The following ARL1 variants were observed in gnomAD, a reference collection of about 807,000 sequenced individuals.
ARL1 encodes the protein ARF like GTPase 1, also known as ADP-ribosylation factor-like protein 1.
In ARL1, 17 loss-of-function variants were observed where a neutral mutation model predicts 30.1. The observed-to-expected ratio is 0.56, with a 90% confidence interval of 0.39 to 0.85. ARL1 has a LOEUF of 0.85. Among genes scored for constraint, ARL1 ranks in the 40% least tolerant of loss-of-function variants. The pLI is 0.00. For synonymous variants in ARL1, 58 were observed against 71.7 expected (o/e 0.81, Z 0.97); for missense variants, 102 against 212.6 (o/e 0.48, Z 3.24).
chr12:101,402,979 G>A (rs760931453), intron 2 of ARL1, 33 bp from the exon 3 acceptor site: 2 of 1,436,040 alleles, frequency 1.4e-6, no homozygotes, highest in Non-Finnish European at 1.9e-6. Flanking sequence ...GGTATGTGTA[G>A]ACTAATACAT....
chr12:101,402,731 A>C, intron 3 of ARL1, 134 bp downstream of exon 3: 1 of 516,814 alleles, frequency 1.9e-6, no homozygotes. Flanking sequence ...AATAGTTCCC[A>C]ATTTTACCTC....
chr12:101,405,245 A>G (rs987325444), intron 2 of ARL1, among the ~76,000 whole-genome samples: 3 of 152,222 alleles, frequency 2.0e-5, no homozygotes, highest in African/African-American at 7.2e-5. Context: ...AAAGTAATCA[A>G]TATAATTACC....
intron 4 of ARL1, among the ~76,000 whole-genome samples, chr12:101,397,310 A>G (rs1168796389): frequency 6.6e-6 from 1 of 152,094 alleles, no homozygotes; most frequent in Non-Finnish European, 1.5e-5. Flanking sequence ...CGAAATGCAC[A>G]TGGGCTGAGG....
At chr12:101,404,134 CATG>C (rs1030655395) in intron 2 of ARL1, among the ~76,000 whole-genome samples, 12 of 152,274 alleles carry the variant, frequency 7.9e-5, no homozygotes, top group African/African-American at 2.9e-4. Flanking sequence ...AATGCAAGTT[CATG>C]ATGTCTCCCT....
Position 101,396,220 on chromosome 12 carries a change from T to C in ARL1, c.515+179A>G, listed in dbSNP as rs924449425. ...CTAAGTAACTGTAATCAGGTAGGTG[T>C]GGTTGAGAAGACAGATGCACCTGAA... On this transcript the variant is annotated intron_variant, in intron 5 of 5. Transcript: ENST00000261636. 5.3e-6 allele frequency: 4 copies of C among 761,554 alleles called. No individual in the cohort carries two copies. The African/African-American group carries it at 6.9e-5, about 13-fold the overall frequency. 47.2% of individuals were successfully genotyped at this position (761,554 alleles called of 1,614,324 possible). A position where few individuals can be genotyped will look rare whatever the true frequency, so the allele number is the denominator to read the frequency against.
intron 2 of ARL1, 118 bp from the exon 3 acceptor site, chr12:101,403,064 T>A (rs3765074): frequency 0.015 from 7,505 of 511,626 alleles, 208 homozygotes; most frequent in East Asian, 0.085. Context: ...AAAATATATA[T>A]ATATATAATT....
At chr12:101,398,735 G>A (rs1335196254) in intron 4 of ARL1, among the ~76,000 whole-genome samples, 1 of 152,096 alleles carries the variant, frequency 6.6e-6, no homozygotes, top group Non-Finnish European at 1.5e-5. Flanking sequence ...ACCACACCTG[G>A]CCTGTGTCTA....
chr12:101,401,884 A>T (rs1466499972), intron 3 of ARL1, among the ~76,000 whole-genome samples: 1 of 152,118 alleles, frequency 6.6e-6, no homozygotes, highest in Non-Finnish European at 1.5e-5. Context: ...ACAGTCATGA[A>T]ATTAATCACT....
At position 101,395,608 on chromosome 12, in the gene ARL1, G is replaced by A. The variant is rs534799307; in HGVS notation, c.*32C>T. The A allele has an allele frequency of 1.9e-6, 3 of 1,551,706 alleles. No individual in the cohort carries two copies. In the African/African-American group the frequency reaches 4.1e-5, roughly 21 times the overall value. On this transcript the variant is annotated 3_prime_UTR_variant, in exon 6 of 6. Transcript: ENST00000261636. ...TTTCCAAAGGGAGAGAGGTGATGTA[G>A]TCTTCATTTCAGGGGAGAAGAATGG...
rs2121133197 is a variant in ARL1, at chr12:101,407,631, G to A, written c.4+11C>T. 6.2e-7 allele frequency: 1 copy of A among 1,610,834 alleles called. No individual in the cohort carries two copies. The highest frequency in any genetic ancestry group is 2.2e-5 in the East Asian group (1 of 44,842). ...TCGAGCGCGCCCAGGTGCCCTTCTC[G>A]AACCCCTCACCCATGATGAACCCCC... On this transcript the variant is annotated intron_variant, in intron 1 of 5. Coordinates refer to ENST00000261636, the MANE Select transcript of ARL1 (RefSeq NM_001177.6).
In ARL1 at chr12:101,407,728, C is replaced by T; in HGVS notation, c.-83G>A. ...GCTCCGAGGCGGTTTCCTCGCAAGCCCAGTCAGCCAGCAACTTCCACGTCG... is the reference window on the plus strand; with the variant it reads ...GCTCCGAGGCGGTTTCCTCGCAAGCTCAGTCAGCCAGCAACTTCCACGTCG... On this transcript the variant is annotated 5_prime_UTR_variant, in exon 1 of 6. Transcript: ENST00000261636. 6.3e-7 allele frequency: 1 copy of T among 1,594,624 alleles called. No individual in the cohort carries two copies. Among genetic ancestry groups the T allele is most frequent in the Non-Finnish European group, 8.6e-7 (1 of 1,167,746 alleles).
At chr12:101,400,894 T>C (rs1452857170) in intron 4 of ARL1, among the ~76,000 whole-genome samples, 168 bp downstream of exon 4, 2 of 152,248 alleles carry the variant, frequency 1.3e-5, no homozygotes, top group Non-Finnish European at 2.9e-5. Flanking sequence ...GTTGTTGTTT[T>C]GTCTCCAACC....
At chr12:101,407,248 C>T (rs542642296) in intron 1 of ARL1, 1 of 253,342 alleles carries the variant, frequency 3.9e-6, no homozygotes, top group Non-Finnish European at 7.4e-6. Context: ...GGGGCCGCAG[C>T]TCATCTTTCA....
chr12:101,406,009 C>T (rs962695080), intron 1 of ARL1, 28 bp from the exon 2 acceptor site: 4 of 1,529,264 alleles, frequency 2.6e-6, no homozygotes, highest in South Asian at 2.5e-5. Context: ...AAAAAACATA[C>T]ACAATGTCAT....
At chr12:101,401,218 G>C (rs1238469931) in intron 3 of ARL1, 45 bp from the exon 4 acceptor site, 4 of 1,359,626 alleles carry the variant, frequency 2.9e-6, no homozygotes, top group Non-Finnish European at 4.2e-6. Context: ...ATTGTTTTAA[G>C]GAAGAAACTG....
rs114662175 is a variant in ARL1 at position 101,396,924 on chromosome 12, T to C, written c.337-347A>G. Among the ~76,000 whole-genome samples, 1,054 of 152,240 alleles carry C rather than the reference T, an allele frequency of 6.9e-3. 9 individuals carry two copies. Among genetic ancestry groups the C allele is most frequent in the African/African-American group, 0.024 (999 of 41,546 alleles). Reference sequence around the variant, plus strand: ...TCATGTTTCTCCAAACTACAACAACTTTTTCAAAATAAAAAAATGGCTAAA... The same window carrying C: ...TCATGTTTCTCCAAACTACAACAACCTTTTCAAAATAAAAAAATGGCTAAA... On this transcript the variant is annotated intron_variant, in intron 4 of 5. Transcript: ENST00000261636.
chr12:101,407,468 G>A (rs1297834022), intron 1 of ARL1, 174 bp downstream of exon 1: 8 of 797,610 alleles, frequency 1.0e-5, no homozygotes, highest in African/African-American at 7.0e-5. Context: ...GAACGCGAGA[G>A]GCCGGATCCA....
intron 1 of ARL1, chr12:101,407,217 G>A (rs1054906170): frequency 1.9e-5 from 4 of 209,722 alleles, no homozygotes; most frequent in African/African-American, 9.1e-5. Context: ...CTGGTAAAGA[G>A]AATGATTAAG....
chr12:101,407,763 C>A lies in ARL1; in HGVS notation c.-118G>T, dbSNP rs1849478009. 6.7e-6 allele frequency: 10 copies of A among 1,483,594 alleles called. No individual in the cohort carries two copies. Among genetic ancestry groups the A allele is most frequent in the African/African-American group, 1.4e-5 (1 of 72,472 alleles). 91.9% of individuals were successfully genotyped at this position (1,483,594 alleles called of 1,614,324 possible). On this transcript the variant is annotated 5_prime_UTR_variant, in exon 1 of 6. Coordinates refer to ENST00000261636, the MANE Select transcript of ARL1 (RefSeq NM_001177.6). ...AGCAACTTCCACGTCGGACTCCAGG[C>A]GGGGGCGGGAGCGAGGGTCAGCTGC...
Sources: allele counts gnomAD v4.1 joint callset (sites outside exome capture counted in the v4.1 genomes callset), GRCh38; gene constraint gnomAD v4.1.1; transcripts MANE v1.5; gene names NCBI Gene and HGNC (gene_info 2026-07-23, HGNC 2026-07-21).